The following GSE1 variants were observed in gnomAD, a reference collection of about 807,000 sequenced individuals.
The protein encoded by GSE1 is Gse1 coiled-coil protein.
Under a neutral mutation model 112.6 loss-of-function variants are expected in GSE1, and 32 were observed. That is an observed-to-expected ratio of 0.28 (90% CI 0.21 to 0.38). The LOEUF is 0.38. Among genes scored for constraint, GSE1 ranks in the 10% least tolerant of loss-of-function variants. GSE1 has a pLI of 1.00. For synonymous variants in GSE1, 1,115 were observed against 735.6 expected, an observed-to-expected ratio of 1.52 and a Z score of -8.35; for missense variants, 2,348 against 1,699.2, an observed-to-expected ratio of 1.38 and a Z score of -6.71.
Position 85,512,710 on chromosome 16 carries a change from C to T in GSE1, c.2465-121204C>T, listed in dbSNP as rs149576608. Among the ~76,000 whole-genome samples the T allele has an allele frequency of 1.8e-3, 273 of 152,246 alleles. 2 individuals are homozygous for T. The highest frequency in any genetic ancestry group is 6.3e-3 in the African/African-American group (262 of 41,522). On this transcript the variant is annotated intron_variant, in intron 2 of 2. Coordinates refer to the GSE1 transcript ENST00000637419. ...ACACCACACGCATTAGAGTCCACTCCGATATCAAAGCGCTCCCATCACCCA... is the reference window on the plus strand; with the variant it reads ...ACACCACACGCATTAGAGTCCACTCTGATATCAAAGCGCTCCCATCACCCA...
In GSE1 at chr16:85,671,197, TAA is replaced by T. The variant is rs537812182; in HGVS notation, c.3519+100_3519+101del. 1.4e-4 allele frequency: 90 copies of T among 666,226 alleles called. No individual in the cohort carries two copies. The Admixed American group carries it at 2.6e-3, about 19-fold the overall frequency. The allele number at this position is 666,226 out of a possible 1,614,324, so 41.3% of individuals were successfully genotyped here. A position where few individuals can be genotyped will look rare whatever the true frequency, so the allele number is the denominator to read the frequency against. On this transcript the variant is annotated intron_variant, in intron 15 of 15. Transcript: ENST00000253458. ...AAGTTTCAGAGAGGAAATGTGCTCT[TAA>T]GAGATCAAAATTTGGCGGATCACGA... is the stretch of plus-strand genomic sequence containing the variant.
upstream of GSE1, chr16:85,554,837 C>T (rs941021448): frequency 2.0e-6 from 2 of 980,712 alleles, no homozygotes; most frequent in Non-Finnish European, 1.2e-6. Flanking sequence ...CGGAGTTGGG[C>T]AGCCGGAGGG....
At chr16:85,472,285 G>A (rs1421477272) in intron 2 of GSE1, among the ~76,000 whole-genome samples, 1 of 152,194 alleles carries the variant, frequency 6.6e-6, no homozygotes, top group Non-Finnish European at 1.5e-5. Context: ...CCAAAATCAA[G>A]GTGTGCGCAG....
intron 2 of GSE1, among the ~76,000 whole-genome samples, chr16:85,461,426 C>A (rs567274269): frequency 2.6e-5 from 4 of 152,290 alleles, no homozygotes; most frequent in African/African-American, 9.6e-5. Context: ...ACTGGAAGCC[C>A]CCAGGGAGCT....
chr16:85,613,444 C>T (rs1174848578), intron 1 of GSE1, 46 bp downstream of exon 1: 2 of 1,507,384 alleles, frequency 1.3e-6, no homozygotes, highest in African/African-American at 2.8e-5. Context: ...CCCCCCTCCC[C>T]CCACCGCACT....
intron 1 of GSE1, among the ~76,000 whole-genome samples, chr16:85,218,021 C>A (rs563078580): frequency 9.5e-4 from 144 of 152,300 alleles, no homozygotes; most frequent in African/African-American, 3.1e-3. Context: ...GTGCCTCAGC[C>A]TCCTGTGTAA....
At chr16:85,524,760 T>TG (rs1361277396) in intron 2 of GSE1, among the ~76,000 whole-genome samples, 1 of 152,112 alleles carries the variant, frequency 6.6e-6, no homozygotes, top group East Asian at 1.9e-4. Context: ...GGGCATCTGA[T>TG]GGCCTCATCA....
chr16:85,521,542 G>C (rs1025725445), intron 2 of GSE1, among the ~76,000 whole-genome samples: 1 of 152,234 alleles, frequency 6.6e-6, no homozygotes, highest in African/African-American at 2.4e-5. Flanking sequence ...CTCTGGGCAC[G>C]TTTGGGTCCT....
At chr16:85,602,522 C>T (rs1015261060) in intron 1 of GSE1, among the ~76,000 whole-genome samples, 1 of 152,106 alleles carries the variant, frequency 6.6e-6, no homozygotes, top group Non-Finnish European at 1.5e-5. Context: ...TGCCGGATCC[C>T]TGCCCGACCC....
chr16:85,171,732 C>G, exon 1 of GSE1: 1 of 985,614 alleles, frequency 1.0e-6, no homozygotes, highest in Non-Finnish European at 1.2e-6. Context: ...AGTGTGGGAC[C>G]CTGGTGTGTG....
chr16:85,667,404 G>C (rs1198208066), intron 13 of GSE1, among the ~76,000 whole-genome samples: 1 of 152,266 alleles, frequency 6.6e-6, no homozygotes, highest in Non-Finnish European at 1.5e-5. Flanking sequence ...TCACCCACCA[G>C]GCCACGCCAT....
intron 1 of GSE1, among the ~76,000 whole-genome samples, chr16:85,216,966 C>T (rs2075315117): frequency 6.6e-6 from 1 of 152,238 alleles, no homozygotes; most frequent in African/African-American, 2.4e-5. Context: ...TGGAAAGCGG[C>T]AAGCCCCTGA....
chr16:85,403,169 A>C (rs910013904), intron 2 of GSE1, among the ~76,000 whole-genome samples: 2 of 152,044 alleles, frequency 1.3e-5, no homozygotes, highest in Non-Finnish European at 2.9e-5. Flanking sequence ...AGCCACGCTG[A>C]GCTCACCACA....
intron 2 of GSE1, among the ~76,000 whole-genome samples, chr16:85,524,261 G>C (rs1445226045): frequency 6.6e-6 from 1 of 152,122 alleles, no homozygotes; most frequent in Non-Finnish European, 1.5e-5. Flanking sequence ...GGCGGGGATG[G>C]TAAGAGCTCT....
At chr16:85,331,581 G>T (rs202090998) in intron 1 of GSE1, among the ~76,000 whole-genome samples, 1 of 114,036 alleles carries the variant, frequency 8.8e-6, no homozygotes, top group South Asian at 2.9e-4. Context: ...ATGTGTACAT[G>T]TGTATATATG....
At chr16:85,222,160 C>G (rs911633395) in intron 1 of GSE1, among the ~76,000 whole-genome samples, 1 of 152,212 alleles carries the variant, frequency 6.6e-6, no homozygotes, top group Non-Finnish European at 1.5e-5. Flanking sequence ...TCCCCGCTCC[C>G]TGTGGCTCTG....
chr16:85,512,071 G>A (rs770905959), intron 2 of GSE1, among the ~76,000 whole-genome samples: 1 of 152,196 alleles, frequency 6.6e-6, no homozygotes, highest in Non-Finnish European at 1.5e-5. Context: ...GATGCAATGT[G>A]TGGGTGGGAG....
At chr16:85,226,082 CT>C (rs916745847) in intron 1 of GSE1, among the ~76,000 whole-genome samples, 47 of 152,176 alleles carry the variant, frequency 3.1e-4, no homozygotes, top group Admixed American at 7.9e-4. Flanking sequence ...TGCAGTGCCC[CT>C]GATAGCCTGG....
Position 85,249,199 on chromosome 16 carries a change from G to C in GSE1, c.2283+77392G>C, listed in dbSNP as rs79031388. On this transcript the variant is annotated intron_variant, in intron 1 of 2. Coordinates refer to the GSE1 transcript ENST00000637419. ...AAGCAGCAGCGGCCGCATTTGTGCA[G>C]ACTTCATGGTGCCCAGTAGCCCAGT... Among the ~76,000 whole-genome samples, 1,266 of 152,346 alleles carry C rather than the reference G, an allele frequency of 8.3e-3. 17 individuals are homozygous for C. The highest frequency in any genetic ancestry group is 0.029 in the African/African-American group (1,214 of 41,584).
Sources: allele counts gnomAD v4.1 joint callset (sites outside exome capture counted in the v4.1 genomes callset), GRCh38; gene constraint gnomAD v4.1.1; transcripts MANE v1.5; gene names NCBI Gene and HGNC (gene_info 2026-07-23, HGNC 2026-07-21).